The following SMC4 variants were observed in gnomAD, a reference collection of about 807,000 sequenced individuals.
SMC4 encodes structural maintenance of chromosomes 4, also known as structural maintenance of chromosomes protein 4.
In SMC4, 87 loss-of-function variants were observed where a neutral mutation model predicts 145.6. The observed-to-expected ratio is 0.60, with a 90% CI of 0.50 to 0.71. SMC4 has a LOEUF of 0.71. SMC4 is among the 30% of genes least tolerant of loss of function. SMC4 has a pLI of 0.00. For synonymous variants in SMC4, 558 were observed against 500.7 expected, an observed-to-expected ratio of 1.11 and a Z score of -1.53; for missense variants, 1,447 against 1,537.1, an observed-to-expected ratio of 0.94 and a Z score of 0.98.
At chr3:160,416,189 A>G in intron 9 of SMC4, 62 bp from the exon 10 acceptor site, 3 of 1,209,854 alleles carry the variant, frequency 2.5e-6, no homozygotes, top group South Asian at 2.1e-5. Flanking sequence ...AAATATGTCA[A>G]ATATTGATAG....
In SMC4 at chr3:160,431,032, G is replaced by C. The variant is rs147785206; in HGVS notation, c.2941G>C (p.Glu981Gln). Residue 981 changes from glutamate to glutamine, a missense_variant and splice_region_variant, in exon 20 of 24, where the codon GAA (glutamate) becomes CAA (glutamine). Coordinates refer to ENST00000357388, the MANE Select transcript of SMC4 (RefSeq NM_001002800.3). ...TCTAGCAGTTCTTTTCGGTGTTTAG[G>C]AATCCTTACCAGAGATCCAGAAAGA... The part of the protein sequence containing the change: ...EVVKNTNAAE[E>Q]SLPEIQKEHR... The C allele has an allele frequency of 6.3e-6, 10 of 1,594,630 alleles. No homozygotes were observed. The highest frequency in any genetic ancestry group is 8.5e-6 in the Non-Finnish European group (10 of 1,174,672).
At chr3:160,430,531 T>C (rs1284443834) in intron 18 of SMC4, 68 bp from the exon 19 acceptor site, 8 of 1,306,420 alleles carry the variant, frequency 6.1e-6, no homozygotes, top group South Asian at 3.6e-5. Context: ...AAAAGTTCTT[T>C]AGTAGGTTTT....
chr3:160,433,047 T>C lies in SMC4; in HGVS notation c.3552T>C (p.Ser1184=). The change falls in exon 23 of 24, where the codon AGT becomes AGC. Residue 1184 remains serine, a synonymous_variant. Coordinates refer to ENST00000357388, the MANE Select transcript of SMC4 (RefSeq NM_001002800.3). Reference sequence around the variant, plus strand: ...TCAGTGTTCGACCACCTAAGAAAAGTTGGAAAAAGATCTTCAACCTTTCGG... The same window carrying C: ...TCAGTGTTCGACCACCTAAGAAAAGCTGGAAAAAGATCTTCAACCTTTCGG... The part of the protein sequence containing the change: ...IMFSVRPPKK[S]WKKIFNLSGG... 6.2e-7 allele frequency: 1 copy of C among 1,613,244 alleles called. No homozygotes were observed. The highest frequency in any genetic ancestry group is 8.5e-7 in the Non-Finnish European group (1 of 1,179,388).
intron 5 of SMC4, among the ~76,000 whole-genome samples, chr3:160,408,403 TC>T (rs1197288918): frequency 2.6e-5 from 4 of 152,346 alleles, no homozygotes; most frequent in Non-Finnish European, 5.9e-5. Flanking sequence ...AAGAAAGTGT[TC>T]CATAACTTAA....
Position 160,402,878 on chromosome 3 carries a change from T to A in SMC4, c.510+11T>A. The A allele has an allele frequency of 6.5e-7, 1 of 1,528,772 alleles. No individual in the cohort carries two copies. The highest frequency in any genetic ancestry group is 8.7e-7 in the Non-Finnish European group (1 of 1,143,928). 94.7% of individuals were successfully genotyped at this position (1,528,772 alleles called of 1,614,324 possible). A position where few individuals can be genotyped will look rare whatever the true frequency, so the allele number is the denominator to read the frequency against. Reference sequence around the variant, plus strand: ...AAGATAATTGATAAGGTAAGGGATTTTTACTGTTATTGGCAAGTTCAAGTA... The same window carrying A: ...AAGATAATTGATAAGGTAAGGGATTATTACTGTTATTGGCAAGTTCAAGTA... On this transcript the variant is annotated intron_variant, in intron 4 of 23. Coordinates refer to ENST00000357388, the MANE Select transcript of SMC4 (RefSeq NM_001002800.3).
rs758365960 is a variant in SMC4, at chr3:160,426,187, T to C, written c.2592T>C (p.Ser864=). ...AGAAATTGCTAGAAGAAAACGTTAG[T>C]GCTTTCAAAACAGGTATGTTTAGAG... ...KKQKLLEENV[S]AFKTEYDAVA... The change falls in exon 17 of 24, where the codon AGT becomes AGC. Residue 864 remains serine, a synonymous_variant. Coordinates refer to ENST00000357388, the MANE Select transcript of SMC4 (RefSeq NM_001002800.3). The C allele has an allele frequency of 3.1e-6, 5 of 1,607,938 alleles. No individual in the cohort carries two copies. The highest frequency in any genetic ancestry group is 3.4e-6 in the Non-Finnish European group (4 of 1,177,914).
chr3:160,433,723 A>G lies in SMC4; in HGVS notation c.3781A>G (p.Arg1261Gly). Residue 1261 changes from arginine (R) to glycine (G), a missense_variant, in exon 24 of 24, where the codon AGA (arginine) becomes GGA (glycine). Coordinates refer to ENST00000357388, the MANE Select transcript of SMC4 (RefSeq NM_001002800.3). Reference protein sequence around the residue: ...LRNNMFEISDRLIGIYKTYNI... With the variant: ...LRNNMFEISDGLIGIYKTYNI... ...AAATAATATGTTTGAGATTTCGGATAGACTTATTGGAATTTACAAGACATA... is the reference window on the plus strand; with the variant it reads ...AAATAATATGTTTGAGATTTCGGATGGACTTATTGGAATTTACAAGACATA... 2.5e-6 allele frequency: 4 copies of G among 1,589,454 alleles called. No homozygotes were observed. The highest frequency in any genetic ancestry group is 1.7e-4 in the Middle Eastern group (1 of 6,018).
Position 160,402,187 on chromosome 3 carries a change from A to G in SMC4, c.318+94A>G, listed in dbSNP as rs1335080919. On this transcript the variant is annotated intron_variant, in intron 3 of 23. Transcript: ENST00000357388. Reference sequence around the variant, plus strand: ...GATGTTTCAGTTTTGTAACTATCCTAAAATTCATTCACTCCCTATTTATCC... The same window carrying G: ...GATGTTTCAGTTTTGTAACTATCCTGAAATTCATTCACTCCCTATTTATCC... 4.1e-6 allele frequency: 3 copies of G among 735,428 alleles called. No homozygotes were observed. The Admixed American group carries it at 1.2e-4, about 29-fold the overall frequency. 45.6% of individuals were successfully genotyped at this position (735,428 alleles called of 1,614,324 possible). A position where few individuals can be genotyped will look rare whatever the true frequency, so the allele number is the denominator to read the frequency against.
chr3:160,414,015 A>T (rs1441591749), intron 8 of SMC4: 4 of 340,846 alleles, frequency 1.2e-5, no homozygotes, highest in East Asian at 9.5e-5. Context: ...ATTTTTAAAT[A>T]AAAAAATTTG....
chr3:160,404,850 A>G (rs112178044), intron 5 of SMC4: 373 of 481,554 alleles, frequency 7.7e-4, no homozygotes, highest in African/African-American at 6.9e-3. Context: ...TATTTTATCA[A>G]TTGTTTGTAT....
At chr3:160,420,630 C>T (rs534075238) in intron 12 of SMC4, 110 bp from the exon 13 acceptor site, 5 of 1,107,320 alleles carry the variant, frequency 4.5e-6, no homozygotes, top group Admixed American at 2.4e-5. Context: ...CTCTTTAAAA[C>T]CATGTCTACA....
At chr3:160,420,531 CAG>C in intron 12 of SMC4, 1 of 451,546 alleles carries the variant, frequency 2.2e-6, no homozygotes, top group East Asian at 4.1e-5. Context: ...AAAATGAAAA[CAG>C]TTCTTTCATT....
At chr3:160,402,571 G>GT in intron 3 of SMC4, 105 bp from the exon 4 acceptor site, 1 of 1,228,202 alleles carries the variant, frequency 8.1e-7, no homozygotes, top group Non-Finnish European at 1.1e-6. Context: ...AATACTTGCA[G>GT]TTTTTAACTG....
chr3:160,431,778 C>T lies in SMC4; in HGVS notation c.3250C>T (p.His1084Tyr). Reference protein sequence around the residue: ...NQIALLEARCHEMKPNLGAIA... With the variant: ...NQIALLEARCYEMKPNLGAIA... ...AATTGCACTTTTGGAAGCCCGGTGT[C>T]ATGAAATGAAACCAAACCTCGGTGC... The change falls in exon 21 of 24, where the codon CAT becomes TAT. Residue 1084 changes from histidine to tyrosine, a missense_variant. Coordinates refer to ENST00000357388, the MANE Select transcript of SMC4 (RefSeq NM_001002800.3). 6.2e-7 allele frequency: 1 copy of T among 1,613,896 alleles called. No individual in the cohort carries two copies. The highest frequency in any genetic ancestry group is 1.1e-5 in the South Asian group (1 of 91,038).
chr3:160,432,989 A>G, intron 22 of SMC4, 37 bp from the exon 23 acceptor site: 1 of 1,429,960 alleles, frequency 7.0e-7, no homozygotes, highest in South Asian at 1.2e-5. Flanking sequence ...CTTTAGCTTT[A>G]CAGGTAATTT....
At position 160,417,556 on chromosome 3, in the gene SMC4, C is replaced by T. The variant is rs894089783; in HGVS notation, c.1438-167C>T. 3 of 617,434 alleles carry T rather than the reference C, an allele frequency of 4.9e-6. No homozygotes were observed. In the African/African-American group the frequency reaches 5.6e-5, roughly 11 times the overall value. The allele number at this position is 617,434 out of a possible 1,614,324, so 38.2% of individuals were successfully genotyped here. On this transcript the variant is annotated intron_variant, in intron 10 of 23. Transcript: ENST00000357388. ...AAAGACTATGTACAGTGAATATTGA[C>T]AACTAGGCAAAAACTGAATCTAGTC...
At chr3:160,426,388 T>C (rs1311489718) in intron 17 of SMC4, among the ~76,000 whole-genome samples, 188 bp downstream of exon 17, 1 of 152,200 alleles carries the variant, frequency 6.6e-6, no homozygotes, top group African/African-American at 2.4e-5. Flanking sequence ...ACTGAGGCAT[T>C]TGCCTAAGGT....
At chr3:160,417,070 T>C (rs1207993606) in intron 10 of SMC4, among the ~76,000 whole-genome samples, 7 of 152,164 alleles carry the variant, frequency 4.6e-5, no homozygotes, top group Admixed American at 4.6e-4. Context: ...AGCATAAAAT[T>C]ATCTTTGTTT....
At chr3:160,416,703 T>C (rs1716630933) in intron 10 of SMC4, 1 of 175,732 alleles carries the variant, frequency 5.7e-6, no homozygotes, top group Non-Finnish European at 1.2e-5. Context: ...TGAATCATCA[T>C]ATTTTGTTGC....
Sources: allele counts gnomAD v4.1 joint callset (sites outside exome capture counted in the v4.1 genomes callset), GRCh38; gene constraint gnomAD v4.1.1; transcripts MANE v1.5; gene names NCBI Gene and HGNC (gene_info 2026-07-23, HGNC 2026-07-21).